WWOX: variants seen among roughly 807,000 people sequenced by gnomAD.
The protein encoded by WWOX is WW domain-containing oxidoreductase.
In WWOX, 69 loss-of-function variants were observed where a neutral mutation model predicts 46.2. That is an observed-to-expected ratio of 1.49 (90% confidence interval 1.23 to 1.82). WWOX has a LOEUF of 1.82. Ranked by LOEUF, WWOX falls within the 40% of genes most tolerant of loss-of-function variation. The pLI, the probability that WWOX is intolerant of heterozygous loss-of-function variation, is 0.00. For synonymous variants in WWOX, 359 were observed against 202.6 expected (o/e 1.77, Z -6.56); for missense variants, 919 against 542.6 (o/e 1.69, Z -6.89).
chr16:78,765,595 C>T (rs1265022952), intron 8 of WWOX, among the ~76,000 whole-genome samples: 1 of 152,074 alleles, frequency 6.6e-6, no homozygotes, highest in Non-Finnish European at 1.5e-5. Flanking sequence ...GGGAGAATTG[C>T]TTGAACCCGG....
intron 5 of WWOX, among the ~76,000 whole-genome samples, chr16:78,313,768 T>G (rs750531583): frequency 2.6e-5 from 4 of 152,206 alleles, no homozygotes; most frequent in Non-Finnish European, 4.4e-5. Flanking sequence ...GCTCTTCTAT[T>G]ATGGAAGAGG....
chr16:78,390,361 G>C (rs183185248), intron 6 of WWOX, among the ~76,000 whole-genome samples: 2 of 152,310 alleles, frequency 1.3e-5, no homozygotes, highest in Admixed American at 1.3e-4. Context: ...AGTGCCTTTT[G>C]TAATCACCAA....
chr16:78,639,359 A>C (rs76580427), intron 8 of WWOX, among the ~76,000 whole-genome samples: 9,630 of 152,240 alleles, frequency 0.063, 369 homozygotes, highest in South Asian at 0.17. Context: ...ATATGACTTC[A>C]TGGGAACCTC....
intron 8 of WWOX, among the ~76,000 whole-genome samples, chr16:78,466,965 G>C (rs531007659): frequency 6.6e-6 from 1 of 152,266 alleles, no homozygotes; most frequent in East Asian, 1.9e-4. Flanking sequence ...ACAGATCTTA[G>C]AGAGGGACAC....
At chr16:78,462,071 C>G (rs1355089072) in intron 8 of WWOX, among the ~76,000 whole-genome samples, 1 of 152,170 alleles carries the variant, frequency 6.6e-6, no homozygotes, top group Non-Finnish European at 1.5e-5. Flanking sequence ...GAACTTTTGA[C>G]CAGGGTCTAG....
chr16:78,956,460 T>G (rs2046168794), intron 8 of WWOX, among the ~76,000 whole-genome samples: 2 of 152,152 alleles, frequency 1.3e-5, no homozygotes, highest in Non-Finnish European at 2.9e-5. Flanking sequence ...AGGCCTGTAT[T>G]TGTTTTAATT....
At chr16:78,697,945 C>T (rs762420500) in intron 8 of WWOX, among the ~76,000 whole-genome samples, 1 of 152,124 alleles carries the variant, frequency 6.6e-6, no homozygotes, top group Admixed American at 6.6e-5. Flanking sequence ...GCAAGAATCA[C>T]TCCAGGTTTT....
intron 8 of WWOX, among the ~76,000 whole-genome samples, chr16:78,823,343 G>C (rs988226840): frequency 1.3e-5 from 2 of 152,210 alleles, no homozygotes; most frequent in South Asian, 2.1e-4. Context: ...TCAGCCGCCT[G>C]TGTGAATAAG....
intron 5 of WWOX, among the ~76,000 whole-genome samples, chr16:78,280,188 C>T (rs2079651225): frequency 1.3e-5 from 2 of 152,158 alleles, no homozygotes; most frequent in Non-Finnish European, 2.9e-5. Flanking sequence ...TTTTTAAAAC[C>T]AGTTTTTCTC....
intron 8 of WWOX, among the ~76,000 whole-genome samples, chr16:78,877,018 C>T (rs1076600): frequency 0.025 from 3,750 of 152,196 alleles, 82 homozygotes; most frequent in Non-Finnish European, 0.036. Flanking sequence ...TCTGCTGGTT[C>T]GAAGAGGTCC....
chr16:78,168,399 A>G (rs745956148), intron 5 of WWOX: 10 of 149,748 alleles, frequency 6.7e-5, no homozygotes, highest in African/African-American at 7.4e-5. Flanking sequence ...GGCACTTTAT[A>G]TCCCTCATCC....
intron 8 of WWOX, among the ~76,000 whole-genome samples, chr16:78,474,928 A>G (rs578104391): frequency 6.6e-6 from 1 of 152,330 alleles, no homozygotes; most frequent in South Asian, 2.1e-4. Flanking sequence ...TCTTACAAAT[A>G]CATTTTTCAA....
chr16:78,377,367 T>G (rs996022331), intron 5 of WWOX, among the ~76,000 whole-genome samples: 1 of 152,244 alleles, frequency 6.6e-6, no homozygotes, highest in African/African-American at 2.4e-5. Context: ...ATCTATTATT[T>G]ATTTCAGCTA....
chr16:78,446,110 C>T (rs554448624), intron 8 of WWOX, among the ~76,000 whole-genome samples: 21 of 152,104 alleles, frequency 1.4e-4, no homozygotes, highest in African/African-American at 5.1e-4. Flanking sequence ...TGTTTTTCTT[C>T]CTTTGGTGTG....
chr16:78,935,119 G>C (rs777501751), intron 8 of WWOX, among the ~76,000 whole-genome samples: 15 of 152,142 alleles, frequency 9.9e-5, no homozygotes, highest in Non-Finnish European at 2.2e-4. Flanking sequence ...TCCTGGAGAG[G>C]ATGTAGAGAA....
intron 8 of WWOX, among the ~76,000 whole-genome samples, chr16:78,483,748 G>C (rs1156861291): frequency 1.3e-5 from 2 of 151,962 alleles, no homozygotes; most frequent in Non-Finnish European, 2.9e-5. Flanking sequence ...GCTTGAAGCT[G>C]TGATAAAATA....
chr16:78,784,088 A>G (rs1205254997), intron 8 of WWOX, among the ~76,000 whole-genome samples: 2 of 152,158 alleles, frequency 1.3e-5, no homozygotes, highest in Non-Finnish European at 2.9e-5. Context: ...CTTACTTTGT[A>G]CCATGCAATG....
intron 8 of WWOX, among the ~76,000 whole-genome samples, chr16:78,579,989 G>C (rs533906323): frequency 6.6e-6 from 1 of 152,216 alleles, no homozygotes; most frequent in East Asian, 1.9e-4. Context: ...CGTTTAAGGC[G>C]CTTGCTCTTC....
chr16:78,227,604 C>T (rs12935149), intron 5 of WWOX, among the ~76,000 whole-genome samples: 22,097 of 152,120 alleles, frequency 0.15, 1,785 homozygotes, highest in Middle Eastern at 0.19. Context: ...GGGCCGGATG[C>T]GGTGGCTCAC....
Sources: gnomAD v4.1 joint callset for allele counts (sites outside exome capture counted in the v4.1 genomes callset) on GRCh38, gnomAD v4.1.1 for gene constraint, MANE v1.5 for transcripts, NCBI Gene and HGNC (gene_info 2026-07-23, HGNC 2026-07-21) for gene names.